Variants in SNRPN observed in about 807,000 individuals in gnomAD.
SNRPN encodes the protein small nuclear ribonucleoprotein-associated protein N.
A neutral mutation model predicts 25.2 loss-of-function variants in SNRPN; 7 were observed. The observed-to-expected ratio is 0.28, with a 90% confidence interval of 0.16 to 0.52. The LOEUF (loss-of-function observed/expected upper bound fraction) is 0.52, where lower values mean the gene tolerates loss of function less well. Among genes scored for constraint, SNRPN ranks in the 20% least tolerant of loss-of-function variants. The pLI, the probability that SNRPN is intolerant of heterozygous loss-of-function variation, is 0.96. For missense variants in SNRPN, 196 were observed against 322.5 expected (o/e 0.61, Z 3.00); for synonymous variants, 124 against 110.6 (o/e 1.12, Z -0.76).
intron 3 of SNRPN, among the ~76,000 whole-genome samples, chr15:24,944,936 T>C (rs1009337120): frequency 6.6e-6 from 1 of 152,184 alleles, no homozygotes; most frequent in African/African-American, 2.4e-5. Context: ...TGGGTTTCAA[T>C]TGAATGGATG....
intron 6 of SNRPN, 54 bp from the exon 7 acceptor site, chr15:24,976,823 A>G: frequency 6.6e-7 from 1 of 1,514,222 alleles, no homozygotes; most frequent in Non-Finnish European, 9.1e-7. Flanking sequence ...ATGAATAAGA[A>G]TACTGAGAAC....
chr15:24,898,565 C>T (rs376994574), intron 2 of SNRPN, among the ~76,000 whole-genome samples: 2 of 150,060 alleles, frequency 1.3e-5, no homozygotes, highest in Non-Finnish European at 3.0e-5. Flanking sequence ...CCCATCCTGG[C>T]GACAGAGTGA....
At chr15:24,874,718 C>A (rs1347871690) in intron 1 of SNRPN, among the ~76,000 whole-genome samples, 1 of 90,154 alleles carries the variant, frequency 1.1e-5, no homozygotes, top group Non-Finnish European at 2.5e-5. Context: ...GAGATGCTGT[C>A]AGTAGGTTGA....
At chr15:24,911,465 A>T (rs1465086539) in intron 2 of SNRPN, among the ~76,000 whole-genome samples, 1 of 152,108 alleles carries the variant, frequency 6.6e-6, no homozygotes, top group Non-Finnish European at 1.5e-5. Context: ...GCAACCCAAG[A>T]TGCCTGTGGG....
At chr15:24,963,380 G>A (rs547256770) in intron 2 of SNRPN, among the ~76,000 whole-genome samples, 66 of 152,282 alleles carry the variant, frequency 4.3e-4, no homozygotes, top group Admixed American at 2.4e-3. Flanking sequence ...ACTTTGGGAG[G>A]CTAAGCCAGG....
intron 2 of SNRPN, among the ~76,000 whole-genome samples, chr15:24,886,837 TATTTCC>T (rs1283418547): frequency 6.6e-6 from 1 of 152,218 alleles, no homozygotes; most frequent in Non-Finnish European, 1.5e-5. Context: ...ATGCATTTAT[TATTTCC>T]ATTTTCCAAA....
chr15:24,947,733 T>C (rs928783965), intron 3 of SNRPN, among the ~76,000 whole-genome samples: 1 of 152,242 alleles, frequency 6.6e-6, no homozygotes, highest in Non-Finnish European at 1.5e-5. Flanking sequence ...CCAAAAGTAT[T>C]TTATCCAAGT....
intron 2 of SNRPN, among the ~76,000 whole-genome samples, chr15:24,966,822 G>A (rs1041889450): frequency 4.6e-5 from 7 of 152,150 alleles, no homozygotes; most frequent in Admixed American, 4.6e-4. Flanking sequence ...AACAAGGGCA[G>A]CATTGTTGGT....
intron 3 of SNRPN, among the ~76,000 whole-genome samples, chr15:24,970,054 A>G (rs1566969175): frequency 6.6e-6 from 1 of 152,236 alleles, no homozygotes; most frequent in African/African-American, 2.4e-5. Context: ...GGGCCAGTCA[A>G]TATAGTCATA....
chr15:24,882,846 A>C (rs1327790641), intron 1 of SNRPN, among the ~76,000 whole-genome samples: 1 of 150,198 alleles, frequency 6.7e-6, no homozygotes. Context: ...ATATATATAT[A>C]TAGTGAGTTG....
intron 3 of SNRPN, among the ~76,000 whole-genome samples, chr15:24,972,124 C>T (rs1438168692): frequency 6.6e-6 from 1 of 151,786 alleles, no homozygotes; most frequent in African/African-American, 2.4e-5. Flanking sequence ...GGTGTGGTGG[C>T]GGGCGCCTGT....
intron 3 of SNRPN, among the ~76,000 whole-genome samples, chr15:24,922,146 G>C (rs994946111): frequency 6.6e-6 from 1 of 152,124 alleles, no homozygotes; most frequent in African/African-American, 2.4e-5. Flanking sequence ...CTGGGAGGCG[G>C]AGGTTGCAGT....
chr15:24,935,355 T>C (rs778708908), intron 3 of SNRPN, among the ~76,000 whole-genome samples: 1 of 152,142 alleles, frequency 6.6e-6, no homozygotes, highest in Non-Finnish European at 1.5e-5. Context: ...GATTGTGCTT[T>C]GTGAATGGGT....
intron 1 of SNRPN, among the ~76,000 whole-genome samples, chr15:24,863,982 G>GT (rs1245802086): frequency 1.4e-5 from 2 of 147,094 alleles, no homozygotes; most frequent in Non-Finnish European, 3.0e-5. Flanking sequence ...ATTTTTAGAT[G>GT]TTTTTTCTTT....
chr15:24,841,188 G>A lies in SNRPN; in HGVS notation c.-579+11283G>A, dbSNP rs144764778. Among the ~76,000 whole-genome samples the A allele has an allele frequency of 3.7e-3, 569 of 152,214 alleles. 1 individual carries two copies. Among genetic ancestry groups the A allele is most frequent in the Middle Eastern group, 0.017 (5 of 294 alleles). ...AAGTAAATCCAGAATTAATAAAATA[G>A]TGTCATTGTTCCATTTAGTATGCAG... On this transcript the variant is annotated intron_variant, in intron 2 of 12. Transcript: ENST00000400100.
intron 1 of SNRPN, chr15:24,856,861 T>G (rs1026949049): frequency 1.3e-5 from 2 of 152,240 alleles, no homozygotes; most frequent in African/African-American, 2.4e-5. Flanking sequence ...CAACTTTCGT[T>G]TTTGTATTTA....
chr15:24,909,114 C>G (rs1484023467), intron 2 of SNRPN: 1 of 1,352,844 alleles, frequency 7.4e-7, no homozygotes, highest in East Asian at 2.3e-5. Context: ...TACATTTCCT[C>G]CATCATGTCT....
chr15:24,974,986 T>G (rs1176106215), intron 4 of SNRPN: 1 of 702,810 alleles, frequency 1.4e-6, no homozygotes. Flanking sequence ...TAAAGAGGGC[T>G]TTGAAAATGG....
At chr15:24,852,168 A>G (rs1022711734), upstream of SNRPN, 2 of 152,170 alleles carry the variant, frequency 1.3e-5, no homozygotes, top group Admixed American at 1.3e-4. Context: ...AGTAAGGTGT[A>G]TGCTTGGGGT....
Sources: allele counts gnomAD v4.1 joint callset (sites outside exome capture counted in the v4.1 genomes callset), GRCh38; gene constraint gnomAD v4.1.1; transcripts MANE v1.5; gene names NCBI Gene and HGNC (gene_info 2026-07-23, HGNC 2026-07-21).